MYH13: variants seen among roughly 807,000 people sequenced by gnomAD.
MYH13 encodes myosin-13.
Under a neutral mutation model 232.1 loss-of-function variants are expected in MYH13, and 177 were observed. That is an observed-to-expected ratio of 0.76 (90% CI 0.67 to 0.86). The LOEUF (loss-of-function observed/expected upper bound fraction) is 0.86. MYH13 is among the 40% of genes least tolerant of loss of function. The pLI is 0.00. For missense variants in MYH13, 2,246 were observed against 2,405.9 expected (o/e 0.93, Z 1.39); for synonymous variants, 884 against 923.5 (o/e 0.96, Z 0.78).
chr17:10,352,684 A>C (rs2071719575), intron 11 of MYH13, among the ~76,000 whole-genome samples: 4 of 152,198 alleles, frequency 2.6e-5, no homozygotes, highest in Non-Finnish European at 4.4e-5. Context: ...GACATGACTT[A>C]GGTAAGGTGA....
intron 23 of MYH13, among the ~76,000 whole-genome samples, chr17:10,322,203 T>C (rs1276166217): frequency 6.6e-6 from 1 of 150,838 alleles, no homozygotes; most frequent in African/African-American, 2.4e-5. Context: ...CCATCCTGAC[T>C]AACATCGTGA....
At chr17:10,330,549 G>C in intron 20 of MYH13, 26 bp from the exon 21 acceptor site, 1 of 1,587,576 alleles carries the variant, frequency 6.3e-7, no homozygotes, top group South Asian at 1.1e-5. Flanking sequence ...GAGGAGCCTT[G>C]ATCTTTTTCC....
intron 23 of MYH13, 110 bp downstream of exon 23, chr17:10,323,912 T>G (rs1184112011): frequency 2.0e-5 from 29 of 1,424,966 alleles, no homozygotes; most frequent in Non-Finnish European, 2.7e-5. Context: ...AGCCTCTCAT[T>G]TCTGGGCAAT....
intron 18 of MYH13, among the ~76,000 whole-genome samples, chr17:10,334,994 TG>T: frequency 1.3e-5 from 2 of 152,300 alleles, no homozygotes; most frequent in Middle Eastern, 3.4e-3. Flanking sequence ...ATGATGATTC[TG>T]AGTGGTTAAG....
intron 37 of MYH13, among the ~76,000 whole-genome samples, chr17:10,305,065 C>A (rs1346060492): frequency 1.3e-5 from 2 of 152,232 alleles, no homozygotes; most frequent in Admixed American, 1.3e-4. Context: ...CCACCCTCCA[C>A]CTCCTGGACC....
rs780154024 is a variant in MYH13, at chr17:10,332,135, A to G, written c.2262T>C (p.Asp754=). ...CGAACCTGAACTGCTCCCGGTCCAC[A>G]TCGATGGAGTTGAGGAGCTTCTCTG... The part of the protein sequence containing the change: ...NASEKLLNSI[D]VDREQFRFGN... The change falls in exon 20 of 41, where the codon GAT becomes GAC. Residue 754 remains aspartate (D), a synonymous_variant. Coordinates refer to ENST00000252172, the MANE Select transcript of MYH13 (RefSeq NM_003802.3). 12 of 1,613,978 alleles carry G rather than the reference A, an allele frequency of 7.4e-6. No homozygotes were observed. The highest frequency in any genetic ancestry group is 4.5e-5 in the East Asian group (2 of 44,878).
intron 8 of MYH13, among the ~76,000 whole-genome samples, chr17:10,355,857 T>C (rs994390169): frequency 1.4e-4 from 11 of 81,112 alleles, no homozygotes; most frequent in African/African-American, 4.4e-4. Flanking sequence ...TTTTTTTTTT[T>C]TTTTTTTTTT....
At chr17:10,338,700 T>TG (rs1278990014) in intron 18 of MYH13, among the ~76,000 whole-genome samples, 1,373 of 128,118 alleles carry the variant, frequency 0.011, 34 homozygotes, top group African/African-American at 0.037. Context: ...TTTTTTTTTT[T>TG]TTTTTGTTTG....
At position 10,345,255 on chromosome 17, in the gene MYH13, C is replaced by G. The variant is rs1307948615; in HGVS notation, c.1531G>C (p.Glu511Gln). The change falls in exon 15 of 41, where the codon GAG becomes CAG. Residue 511 changes from glutamate (E) to glutamine (Q), a missense_variant. Physicochemically the swap from Glu to Gln is conservative, Grantham distance 29. Coordinates refer to ENST00000252172, the MANE Select transcript of MYH13 (RefSeq NM_003802.3). ...AGGTCCATTCCGAAGTCAATGAACTCCCACTCGATGCCTTCCTTCTTGTAC... is the reference window on the plus strand; with the variant it reads ...AGGTCCATTCCGAAGTCAATGAACTGCCACTCGATGCCTTCCTTCTTGTAC... ...EEYKKEGIEWEFIDFGMDLAA... is the reference protein window; with the variant it reads ...EEYKKEGIEWQFIDFGMDLAA... The G allele has an allele frequency of 6.2e-7, 1 of 1,614,190 alleles. No homozygotes were observed. The highest frequency in any genetic ancestry group is 1.3e-5 in the African/African-American group (1 of 75,050).
At chr17:10,303,772 G>A (rs1270862458) in intron 37 of MYH13, among the ~76,000 whole-genome samples, 3 of 152,112 alleles carry the variant, frequency 2.0e-5, no homozygotes, top group South Asian at 2.1e-4. Flanking sequence ...TCCCAATATT[G>A]GGTATATTCC....
chr17:10,347,793 ACT>A (rs1229363532), intron 12 of MYH13, among the ~76,000 whole-genome samples: 1 of 137,356 alleles, frequency 7.3e-6, no homozygotes, highest in Admixed American at 8.6e-5. Flanking sequence ...ATCTCAGCTC[ACT>A]GCAAGCTCCG....
chr17:10,348,494 A>G (rs11651414), intron 12 of MYH13, among the ~76,000 whole-genome samples: 57,214 of 152,098 alleles, frequency 0.38, 12,940 homozygotes, highest in Non-Finnish European at 0.52. Context: ...ACTAGTGAGC[A>G]CCCAGCAAAT....
In MYH13 at chr17:10,350,650, C is replaced by T; in HGVS notation, c.1050G>A (p.Gly350=). Residue 350 remains glycine, a synonymous_variant, in exon 12 of 41, where the codon GGG becomes GGA. Coordinates refer to ENST00000252172, the MANE Select transcript of MYH13 (RefSeq NM_003802.3). ...ILGFSSEEKV[G]IYKLTGAVMH... is the part of the protein sequence containing the mutation. ...TCACGGCTCCCGTCAGTTTGTAGAT[C>T]CCGACTTTCTCCTCTGAGCTGAAGC... is the stretch of plus-strand genomic sequence containing the variant. 1 of 1,613,810 alleles carries T rather than the reference C, an allele frequency of 6.2e-7. No individual in the cohort carries two copies. Among genetic ancestry groups the T allele is most frequent in the Non-Finnish European group, 8.5e-7 (1 of 1,179,984 alleles).
intron 22 of MYH13, among the ~76,000 whole-genome samples, chr17:10,327,171 T>G (rs1308914517): frequency 7.1e-6 from 1 of 140,502 alleles, no homozygotes. Context: ...CCGGCTAATT[T>G]TTTGTATTTT....
intron 15 of MYH13, among the ~76,000 whole-genome samples, chr17:10,344,861 T>G (rs1708295077): frequency 6.6e-6 from 1 of 151,842 alleles, no homozygotes; most frequent in Admixed American, 6.6e-5. Context: ...CTATTCCTGT[T>G]TTCATATTAA....
intron 40 of MYH13, among the ~76,000 whole-genome samples, chr17:10,301,305 A>G (rs1308617823): frequency 1.3e-5 from 2 of 152,120 alleles, no homozygotes; most frequent in African/African-American, 4.8e-5. Flanking sequence ...AGCAGGAAGG[A>G]GAGGATCAAC....
intron 3 of MYH13, among the ~76,000 whole-genome samples, chr17:10,363,686 G>A (rs745392449): frequency 3.3e-5 from 5 of 152,142 alleles, no homozygotes; most frequent in Non-Finnish European, 7.3e-5. Context: ...GCGGTGGTGA[G>A]GGCACCCCAA....
Position 10,360,179 on chromosome 17 carries a change from T to C in MYH13, c.515A>G (p.Asn172Ser). The change falls in exon 6 of 41, where the codon AAC becomes AGC. Residue 172 changes from asparagine to serine, a missense_variant. Physicochemically the swap from Asn to Ser is conservative, Grantham distance 46. Transcript: ENST00000252172. The stretch of plus-strand genomic sequence containing the variant: ...TACTCACGTGATGAGGATAGACTGG[T>C]TGTCTCGATCTAGAAATGCAGAGGG... ...AYQFMLTDRD[N>S]QSILITGESG... 6.2e-7 allele frequency: 1 copy of C among 1,613,734 alleles called. No individual in the cohort carries two copies. Among genetic ancestry groups the C allele is most frequent in the Non-Finnish European group, 8.5e-7 (1 of 1,179,750 alleles).
At chr17:10,359,899 C>T in intron 7 of MYH13, 61 bp downstream of exon 7, 1 of 1,461,870 alleles carries the variant, frequency 6.8e-7, no homozygotes, top group Non-Finnish European at 9.6e-7. Context: ...ACTTGGTGCT[C>T]ATCCACGCTT....
Sources: gnomAD v4.1 joint callset for allele counts (sites outside exome capture counted in the v4.1 genomes callset) on GRCh38, gnomAD v4.1.1 for gene constraint, MANE v1.5 for transcripts, NCBI Gene and HGNC (gene_info 2026-07-23, HGNC 2026-07-21) for gene names.